FSTL5: variants seen among roughly 807,000 people sequenced by gnomAD.
The protein encoded by FSTL5 is follistatin like 5.
A neutral mutation model predicts 89.1 loss-of-function variants in FSTL5; 62 were observed. The ratio of observed to expected loss-of-function variants is 0.70; its 90% CI spans 0.57 to 0.86. The LOEUF (loss-of-function observed/expected upper bound fraction) is 0.86. FSTL5 is among the 40% of genes least tolerant of loss of function. The pLI is 0.00. For missense variants in FSTL5, 1,057 were observed against 1,001.6 expected (o/e 1.06, Z -0.75); for synonymous variants, 383 against 346.2 (o/e 1.11, Z -1.18).
chr4:161,993,669 A>G (rs942536597), intron 3 of FSTL5, among the ~76,000 whole-genome samples: 32 of 152,116 alleles, frequency 2.1e-4, no homozygotes, highest in Admixed American at 6.5e-5. Flanking sequence ...AAAGACTTTT[A>G]AAAACGTTGA....
At chr4:161,746,909 T>G (rs1740221275) in intron 6 of FSTL5, among the ~76,000 whole-genome samples, 1 of 152,156 alleles carries the variant, frequency 6.6e-6, no homozygotes, top group Admixed American at 6.5e-5. Flanking sequence ...GCTTTGCTGA[T>G]GGGCCCCCCA....
At chr4:161,433,622 C>A (rs181814519) in intron 15 of FSTL5, among the ~76,000 whole-genome samples, 6 of 152,198 alleles carry the variant, frequency 3.9e-5, no homozygotes, top group Admixed American at 3.9e-4. Context: ...GTCAAATTAT[C>A]CTTGTATGCA....
chr4:161,850,389 T>C (rs2126880071), intron 4 of FSTL5, among the ~76,000 whole-genome samples: 1 of 152,352 alleles, frequency 6.6e-6, no homozygotes, highest in Admixed American at 6.5e-5. Context: ...CATTTAATTA[T>C]TGGAGTAGCC....
At chr4:161,394,671 C>A (rs1253127525) in intron 15 of FSTL5, among the ~76,000 whole-genome samples, 4 of 152,156 alleles carry the variant, frequency 2.6e-5, no homozygotes, top group Admixed American at 2.6e-4. Context: ...TACAATTTCT[C>A]CAGACACATT....
At chr4:162,124,052 G>GA (rs1731974373) in intron 1 of FSTL5, among the ~76,000 whole-genome samples, 1 of 152,098 alleles carries the variant, frequency 6.6e-6, no homozygotes, top group African/African-American at 2.4e-5. Flanking sequence ...GATGAGTTCA[G>GA]AAAATATATC....
At chr4:161,609,977 AT>A (rs1238766635) in intron 7 of FSTL5, among the ~76,000 whole-genome samples, 1 of 152,118 alleles carries the variant, frequency 6.6e-6, no homozygotes, top group African/African-American at 2.4e-5. Context: ...CTCCTAATGT[AT>A]TTTTTGACAT....
At chr4:161,703,974 C>T (rs929859172) in intron 6 of FSTL5, among the ~76,000 whole-genome samples, 5 of 152,116 alleles carry the variant, frequency 3.3e-5, no homozygotes, top group East Asian at 3.9e-4. Flanking sequence ...ACCATAAAGA[C>T]CCCACTCTAC....
At chr4:161,774,122 C>A (rs541805874) in intron 5 of FSTL5, among the ~76,000 whole-genome samples, 3 of 152,184 alleles carry the variant, frequency 2.0e-5, no homozygotes, top group South Asian at 2.1e-4. Flanking sequence ...ATTAGCCAGG[C>A]ATGGTGGCGG....
chr4:161,391,862 G>A (rs1216502148), intron 15 of FSTL5, among the ~76,000 whole-genome samples: 2 of 152,152 alleles, frequency 1.3e-5, no homozygotes, highest in Non-Finnish European at 2.9e-5. Context: ...TGTTTCCAAA[G>A]CATAGGTTAA....
At chr4:161,695,167 A>G (rs1738094611) in intron 6 of FSTL5, among the ~76,000 whole-genome samples, 1 of 151,958 alleles carries the variant, frequency 6.6e-6, no homozygotes. Flanking sequence ...CCCAAGCAGC[A>G]TACACTACAC....
intron 7 of FSTL5, among the ~76,000 whole-genome samples, chr4:161,622,699 G>T (rs1397285157): frequency 6.6e-6 from 1 of 151,950 alleles, no homozygotes; most frequent in Non-Finnish European, 1.5e-5. Flanking sequence ...TTTGATAATG[G>T]TGTTTCATTA....
chr4:161,609,101 T>C (rs1229112906), intron 7 of FSTL5, among the ~76,000 whole-genome samples: 1 of 152,060 alleles, frequency 6.6e-6, no homozygotes, highest in Admixed American at 6.5e-5. Flanking sequence ...GAAGGCCTTA[T>C]ACATGAAGGT....
intron 4 of FSTL5, among the ~76,000 whole-genome samples, chr4:161,784,801 G>A (rs1268868249): frequency 2.0e-5 from 3 of 150,554 alleles, no homozygotes; most frequent in African/African-American, 7.3e-5. Flanking sequence ...AGCTGAGGCA[G>A]GAGAATGGCG....
intron 8 of FSTL5, among the ~76,000 whole-genome samples, chr4:161,580,602 T>C (rs982031382): frequency 2.0e-5 from 3 of 152,146 alleles, no homozygotes; most frequent in African/African-American, 7.2e-5. Flanking sequence ...TTGAACAATG[T>C]TGAATGCCCC....
intron 1 of FSTL5, among the ~76,000 whole-genome samples, chr4:162,138,579 G>C (rs541604924): frequency 6.6e-6 from 1 of 152,062 alleles, no homozygotes; most frequent in Non-Finnish European, 1.5e-5. Flanking sequence ...CAGCAGCAAA[G>C]GAAAATGCTT....
At chr4:161,990,474 AAT>A (rs1379459648) in intron 3 of FSTL5, among the ~76,000 whole-genome samples, 4 of 152,130 alleles carry the variant, frequency 2.6e-5, no homozygotes, top group Admixed American at 2.6e-4. Context: ...CCTTTTAGAT[AAT>A]ATGTCTAATG....
intron 4 of FSTL5, among the ~76,000 whole-genome samples, chr4:161,875,804 G>A (rs1402400535): frequency 1.3e-5 from 2 of 152,096 alleles, no homozygotes; most frequent in African/African-American, 2.4e-5. Flanking sequence ...AATACTGGGG[G>A]CATCAGAGAT....
intron 7 of FSTL5, among the ~76,000 whole-genome samples, chr4:161,625,384 T>G (rs576415361): frequency 2.6e-5 from 4 of 152,266 alleles, no homozygotes; most frequent in African/African-American, 9.6e-5. Context: ...TTTTTGTTAT[T>G]ATTATATTAT....
chr4:161,802,254 A>G (rs1314080612), intron 4 of FSTL5, among the ~76,000 whole-genome samples: 2 of 151,704 alleles, frequency 1.3e-5, no homozygotes. Context: ...ACTATCTCCT[A>G]TAATAGTTAG....
Sources: allele counts gnomAD v4.1 joint callset (sites outside exome capture counted in the v4.1 genomes callset), GRCh38; gene constraint gnomAD v4.1.1; transcripts MANE v1.5; gene names NCBI Gene and HGNC (gene_info 2026-07-23, HGNC 2026-07-21).